RBM20: variants seen among roughly 807,000 people sequenced by gnomAD.
The protein encoded by RBM20 is RNA-binding protein 20.
In RBM20, 51 loss-of-function variants were observed where a neutral mutation model predicts 110.1. The ratio of observed to expected loss-of-function variants is 0.46; its 90% CI spans 0.37 to 0.59. The LOEUF (loss-of-function observed/expected upper bound fraction) is 0.59, where lower values mean the gene tolerates loss of function less well. Among genes scored for constraint, RBM20 ranks in the 20% least tolerant of loss-of-function variants. RBM20 has a pLI of 0.00. For missense variants in RBM20, 1,512 were observed against 1,574.9 expected (o/e 0.96, Z 0.68); for synonymous variants, 589 against 618.2 (o/e 0.95, Z 0.70).
chr10:110,725,920 T>G (rs1314268181), intron 1 of RBM20, among the ~76,000 whole-genome samples: 4 of 152,238 alleles, frequency 2.6e-5, no homozygotes, highest in Non-Finnish European at 1.5e-5. Context: ...CTGCTGCGTG[T>G]GCAGCCTCCT....
intron 1 of RBM20, among the ~76,000 whole-genome samples, chr10:110,729,194 G>T (rs982256145): frequency 2.0e-5 from 3 of 152,184 alleles, no homozygotes; most frequent in Admixed American, 6.5e-5. Context: ...TTAAGAACAT[G>T]CCACTTAAAC....
intron 1 of RBM20, among the ~76,000 whole-genome samples, chr10:110,702,851 A>G (rs1862779400): frequency 6.6e-6 from 1 of 152,202 alleles, no homozygotes; most frequent in African/African-American, 2.4e-5. Context: ...ATTATGGTAC[A>G]TACCACATAT....
intron 7 of RBM20, among the ~76,000 whole-genome samples, chr10:110,800,335 G>A (rs769862271): frequency 8.6e-5 from 13 of 152,022 alleles, no homozygotes; most frequent in East Asian, 1.9e-4. Context: ...TCATATTTAC[G>A]TCTTAAGCCT....
At chr10:110,698,422 G>A (rs1026286584) in intron 1 of RBM20, among the ~76,000 whole-genome samples, 1 of 152,192 alleles carries the variant, frequency 6.6e-6, no homozygotes, top group African/African-American at 2.4e-5. Context: ...AGTTGCCCTC[G>A]CTGGCAGGAG....
At chr10:110,711,844 C>G (rs1310141594) in intron 1 of RBM20, among the ~76,000 whole-genome samples, 1 of 152,210 alleles carries the variant, frequency 6.6e-6, no homozygotes, top group East Asian at 1.9e-4. Flanking sequence ...TTCCTACCCA[C>G]TAGGATTCTG....
intron 1 of RBM20, among the ~76,000 whole-genome samples, chr10:110,693,146 T>C (rs2134879937): frequency 6.6e-6 from 1 of 152,332 alleles, no homozygotes; most frequent in Non-Finnish European, 1.5e-5. Context: ...TTAAATATGC[T>C]GCTGAATTTG....
chr10:110,728,394 C>T (rs1843586393), intron 1 of RBM20, among the ~76,000 whole-genome samples: 2 of 152,176 alleles, frequency 1.3e-5, no homozygotes, highest in African/African-American at 4.8e-5. Context: ...TAGAGGTTAC[C>T]TCTCAGAGTC....
chr10:110,738,306 C>A (rs900526916), intron 1 of RBM20, among the ~76,000 whole-genome samples: 16 of 152,128 alleles, frequency 1.1e-4, no homozygotes, highest in African/African-American at 3.9e-4. Context: ...AGCTTAATGC[C>A]AGTGCCCACT....
In RBM20 at chr10:110,784,846, C is replaced by T. The variant is rs1564845476; in HGVS notation, c.1484C>T (p.Thr495Ile). The change falls in exon 5 of 14, where the codon ACT (threonine) becomes ATT (isoleucine). Residue 495 changes from threonine (T) to isoleucine (I), a missense_variant. Transcript: ENST00000369519. The stretch of plus-strand genomic sequence containing the variant: ...GTGCCCATTCCAGCAAGGTCATTCA[C>T]TCAGTCAAGCCCCACATTTCCTTTG... ...SYVPIPARSFTQSSPTFPLAS... is the reference protein window; with the variant it reads ...SYVPIPARSFIQSSPTFPLAS... The T allele has an allele frequency of 1.3e-6, 2 of 1,551,024 alleles. No homozygotes were observed. Among genetic ancestry groups the T allele is most frequent in the African/African-American group, 2.7e-5 (2 of 73,052 alleles).
rs1457847272 is a variant in RBM20 at position 110,644,749 on chromosome 10, C to G, written c.191+104C>G. 1.1e-6 allele frequency: 1 copy of G among 904,884 alleles called. No homozygotes were observed. Among genetic ancestry groups the G allele is most frequent in the Admixed American group, 3.6e-5 (1 of 27,508 alleles). The allele number at this position is 904,884 out of a possible 1,614,324, so 56.1% of individuals were successfully genotyped here. A position where few individuals can be genotyped will look rare whatever the true frequency, so the allele number is the denominator to read the frequency against. ...CCGTCCCTGCTGAACTTCGCTCGCC[C>G]CCCTTGGGTTTGAAGTTTTCTCGTA... On this transcript the variant is annotated intron_variant, in intron 1 of 13. Transcript: ENST00000369519. The surrounding 1 kb of genome is among the most constrained non-coding windows in gnomAD (Gnocchi z 4.3).
intron 7 of RBM20, among the ~76,000 whole-genome samples, chr10:110,800,583 C>G (rs12253733): frequency 0.021 from 3,222 of 152,206 alleles, 106 homozygotes; most frequent in African/African-American, 0.071. Flanking sequence ...TCCCGTAAAA[C>G]CACCACCAAA....
intron 9 of RBM20, among the ~76,000 whole-genome samples, chr10:110,818,514 G>C (rs1005771836): frequency 6.6e-6 from 1 of 152,222 alleles, no homozygotes; most frequent in Non-Finnish European, 1.5e-5. Flanking sequence ...AGCTGCTGTG[G>C]GCAGCTGGGG....
intron 1 of RBM20, among the ~76,000 whole-genome samples, chr10:110,709,044 C>T (rs1413368152): frequency 2.7e-5 from 4 of 150,712 alleles, no homozygotes; most frequent in Non-Finnish European, 4.5e-5. Flanking sequence ...ATTTCTTTTT[C>T]TTTTTAAATG....
At chr10:110,670,697 A>T (rs1304291003) in intron 1 of RBM20, among the ~76,000 whole-genome samples, 1 of 152,158 alleles carries the variant, frequency 6.6e-6, no homozygotes, top group African/African-American at 2.4e-5. Flanking sequence ...TTCCTTTGGG[A>T]TGCTCTTGAC....
intron 1 of RBM20, among the ~76,000 whole-genome samples, chr10:110,740,722 C>T (rs1201786326): frequency 6.6e-6 from 1 of 152,080 alleles, no homozygotes; most frequent in Non-Finnish European, 1.5e-5. Context: ...TTTATTCATC[C>T]CCTTACTCAG....
chr10:110,823,067 G>A (rs2135124587), intron 11 of RBM20, among the ~76,000 whole-genome samples: 1 of 152,186 alleles, frequency 6.6e-6, no homozygotes, highest in South Asian at 2.1e-4. Context: ...TGACAAGCTT[G>A]GGGAGAGAAT....
chr10:110,825,817 C>T (rs958249593), intron 12 of RBM20, among the ~76,000 whole-genome samples: 1 of 152,152 alleles, frequency 6.6e-6, no homozygotes, highest in African/African-American at 2.4e-5. Flanking sequence ...TCACATTTAA[C>T]CCTCTCAAAA....
At chr10:110,800,423 C>G (rs564660594) in intron 7 of RBM20, among the ~76,000 whole-genome samples, 2 of 152,318 alleles carry the variant, frequency 1.3e-5, no homozygotes, top group Non-Finnish European at 2.9e-5. Flanking sequence ...TAGTTCCAAA[C>G]CAGGGTTTGC....
chr10:110,673,470 A>G (rs1862290111), intron 1 of RBM20, among the ~76,000 whole-genome samples: 1 of 152,222 alleles, frequency 6.6e-6, no homozygotes, highest in Non-Finnish European at 1.5e-5. Flanking sequence ...TCGGCCTCCC[A>G]AAGTGCTGGG....
Sources: allele counts gnomAD v4.1 joint callset (sites outside exome capture counted in the v4.1 genomes callset), GRCh38; gene constraint gnomAD v4.1.1; non-coding constraint Gnocchi (gnomAD v3.1); transcripts MANE v1.5; gene names NCBI Gene and HGNC (gene_info 2026-07-23, HGNC 2026-07-21).